The following PITPNA variants were observed in gnomAD, a reference collection of about 807,000 sequenced individuals.
PITPNA encodes phosphatidylinositol transfer protein alpha.
A neutral mutation model predicts 50.3 loss-of-function variants in PITPNA; 13 were observed. The observed-to-expected ratio is 0.26, with a 90% CI of 0.17 to 0.41. PITPNA has a LOEUF of 0.41. Ranked by LOEUF, PITPNA falls within the 10% of genes least tolerant of loss-of-function variation. The pLI is 1.00. For synonymous variants in PITPNA, 120 were observed against 119.6 expected, an observed-to-expected ratio of 1.00 and a Z score of -0.02; for missense variants, 207 against 333.4, an observed-to-expected ratio of 0.62 and a Z score of 2.95.
At chr17:1,530,580 G>T (rs944361359) in intron 10 of PITPNA, among the ~76,000 whole-genome samples, 1 of 152,138 alleles carries the variant, frequency 6.6e-6, no homozygotes, top group Non-Finnish European at 1.5e-5. Context: ...TGCACTAGAC[G>T]ACTATGTACT....
chr17:1,548,041 A>G (rs1955194918), intron 4 of PITPNA, among the ~76,000 whole-genome samples: 1 of 152,180 alleles, frequency 6.6e-6, no homozygotes, highest in Non-Finnish European at 1.5e-5. Flanking sequence ...ATATACTAAA[A>G]TGTTATAATG....
Position 1,553,000 on chromosome 17 carries a change from A to C in PITPNA, c.197+4T>G, listed in dbSNP as rs780007264. Reference sequence around the variant, plus strand: ...CATCCGGCCCCGCTGCTCATGCCGCATACCTCTGCAGGTGGTAGATCTTGT... The same window carrying C: ...CATCCGGCCCCGCTGCTCATGCCGCCTACCTCTGCAGGTGGTAGATCTTGT... On this transcript the variant is annotated splice_donor_region_variant and intron_variant, in intron 3 of 11. Coordinates refer to ENST00000313486, the MANE Select transcript of PITPNA (RefSeq NM_006224.4). 1 of 1,613,884 alleles carries C rather than the reference A, an allele frequency of 6.2e-7. No homozygotes were observed. The highest frequency in any genetic ancestry group is 1.1e-5 in the South Asian group (1 of 91,078).
At chr17:1,531,181 C>T (rs1275273930) in intron 10 of PITPNA, among the ~76,000 whole-genome samples, 1 of 152,094 alleles carries the variant, frequency 6.6e-6, no homozygotes, top group Non-Finnish European at 1.5e-5. Context: ...ATCAATGGCA[C>T]AATGAGCCCA....
intron 10 of PITPNA, among the ~76,000 whole-genome samples, chr17:1,522,382 TTTTG>T (rs2075520286): frequency 6.6e-6 from 1 of 151,654 alleles, no homozygotes. Flanking sequence ...AAACATCTTT[TTTTG>T]TGTGTGTGAG....
intron 10 of PITPNA, among the ~76,000 whole-genome samples, chr17:1,528,203 T>C (rs1189288711): frequency 1.3e-5 from 2 of 152,180 alleles, no homozygotes; most frequent in Non-Finnish European, 2.9e-5. Context: ...TGCAGCAGCA[T>C]GATCTCGGCT....
chr17:1,546,200 A>G (rs2075673521), intron 4 of PITPNA, among the ~76,000 whole-genome samples: 4 of 152,072 alleles, frequency 2.6e-5, no homozygotes, highest in Non-Finnish European at 4.4e-5. Flanking sequence ...AAGTGCTAGG[A>G]TTACAGGCAT....
At chr17:1,544,144 C>T (rs1033255088) in intron 4 of PITPNA, among the ~76,000 whole-genome samples, 20 of 152,210 alleles carry the variant, frequency 1.3e-4, no homozygotes, top group African/African-American at 4.8e-4. Context: ...TCTCCTAGTT[C>T]GGCCTCTCCG....
chr17:1,536,894 A>ATTTTT (rs35841957), intron 7 of PITPNA, among the ~76,000 whole-genome samples: 1 of 98,328 alleles, frequency 1.0e-5, no homozygotes, highest in Non-Finnish European at 2.0e-5. Flanking sequence ...TGTCCGGCCG[A>ATTTTT]TTTTTTTTTT....
At chr17:1,534,030 C>A (rs1388766851) in intron 10 of PITPNA, 69 bp downstream of exon 10, 3 of 1,583,170 alleles carry the variant, frequency 1.9e-6, no homozygotes, top group South Asian at 1.1e-5. Context: ...CGGTGAAGCG[C>A]CCCAGCAAAA....
Position 1,538,880 on chromosome 17 carries a change from C to G in PITPNA, c.445G>C (p.Val149Leu). ...TAAACGGATCCTACCTTGCTGAGCA[C>G]TTGGCTTCGATCTGCAATGTCTATA... ...VYIDIADRSQ[V>L]LSKDYKAEED... The change falls in exon 7 of 12, where the codon GTG becomes CTG. Residue 149 changes from valine to leucine, a missense_variant. Physicochemically the swap from Val to Leu is conservative, Grantham distance 32. Coordinates refer to ENST00000313486, the MANE Select transcript of PITPNA (RefSeq NM_006224.4). 1 of 1,612,478 alleles carries G rather than the reference C, an allele frequency of 6.2e-7. No individual in the cohort carries two copies. The highest frequency in any genetic ancestry group is 8.5e-7 in the Non-Finnish European group (1 of 1,178,538).
At chr17:1,556,517 G>A (rs1172417389) in intron 2 of PITPNA, among the ~76,000 whole-genome samples, 1 of 152,096 alleles carries the variant, frequency 6.6e-6, no homozygotes, top group South Asian at 2.1e-4. Context: ...AGCCCCAGGT[G>A]CTCCAGGACA....
chr17:1,536,894 A>ATTTT (rs35841957), intron 7 of PITPNA, among the ~76,000 whole-genome samples: 2 of 98,304 alleles, frequency 2.0e-5, no homozygotes, highest in East Asian at 3.1e-4. Flanking sequence ...TGTCCGGCCG[A>ATTTT]TTTTTTTTTT....
intron 3 of PITPNA, among the ~76,000 whole-genome samples, chr17:1,551,677 T>C (rs531498876): frequency 3.3e-5 from 5 of 152,348 alleles, no homozygotes; most frequent in Non-Finnish European, 7.3e-5. Context: ...AATTGGTCCC[T>C]TCTACCTAAA....
At chr17:1,524,045 C>CTTTTTT (rs71148495) in intron 10 of PITPNA, among the ~76,000 whole-genome samples, 7 of 101,890 alleles carry the variant, frequency 6.9e-5, no homozygotes, top group Admixed American at 1.1e-4. Flanking sequence ...TTTCTTTTTT[C>CTTTTTT]TTTTTTTTTT....
At position 1,560,699 on chromosome 17, in the gene PITPNA, C is replaced by A; in HGVS notation, c.20+1842G>T. ...AATCAGAAGGATGGGAAAAGCCTGT[C>A]AGTCTGGACACTGAAGATTAAAATC... On this transcript the variant is annotated intron_variant, in intron 1 of 11. Coordinates refer to ENST00000313486, the MANE Select transcript of PITPNA (RefSeq NM_006224.4). 1.3e-5 allele frequency among the ~76,000 whole-genome samples: 2 copies of A among 152,210 alleles called. 1 individual carries two copies. The highest frequency in any genetic ancestry group is 2.9e-5 in the Non-Finnish European group (2 of 68,046).
In PITPNA at chr17:1,518,185, G is replaced by C. The variant is rs1013856279; in HGVS notation, c.*2376C>G. 20 of 152,396 alleles carry C rather than the reference G, an allele frequency of 1.3e-4. No homozygotes were observed. Among genetic ancestry groups the C allele is most frequent in the African/African-American group, 4.8e-4 (20 of 41,426 alleles). The allele number at this position is 152,396 out of a possible 1,614,324, so 9.4% of individuals were successfully genotyped here. A position where few individuals can be genotyped will look rare whatever the true frequency, so the allele number is the denominator to read the frequency against. On this transcript the variant is annotated 3_prime_UTR_variant, in exon 12 of 12. Transcript: ENST00000313486. ...CCCAGCAGGGACTGTAAAAGAACTTGGGAAGCTATACACATGCCCACGATA... is the reference window on the plus strand; with the variant it reads ...CCCAGCAGGGACTGTAAAAGAACTTCGGAAGCTATACACATGCCCACGATA...
intron 2 of PITPNA, among the ~76,000 whole-genome samples, chr17:1,554,390 A>AT (rs61238602): frequency 0.15 from 9,716 of 66,126 alleles, 1,211 homozygotes; most frequent in Non-Finnish European, 0.19. Context: ...GTGTTTCTCT[A>AT]TTTTTTTTTT....
chr17:1,545,032 G>A (rs898684369), intron 4 of PITPNA, among the ~76,000 whole-genome samples: 2 of 151,042 alleles, frequency 1.3e-5, no homozygotes, highest in Non-Finnish European at 2.9e-5. Flanking sequence ...TAAAAGCATG[G>A]CTTAGTGATA....
intron 2 of PITPNA, among the ~76,000 whole-genome samples, chr17:1,555,134 G>T (rs936135877): frequency 1.3e-5 from 2 of 152,198 alleles, no homozygotes; most frequent in African/African-American, 2.4e-5. Context: ...CTGGTGGAGG[G>T]GGCGAGGTTC....
Sources: allele counts gnomAD v4.1 joint callset (sites outside exome capture counted in the v4.1 genomes callset), GRCh38; gene constraint gnomAD v4.1.1; transcripts MANE v1.5; gene names NCBI Gene and HGNC (gene_info 2026-07-23, HGNC 2026-07-21).